CENPE: variants seen among roughly 807,000 people sequenced by gnomAD.
CENPE encodes the protein centromere protein E.
A neutral mutation model predicts 336.1 loss-of-function variants in CENPE; 145 were observed. The ratio of observed to expected loss-of-function variants is 0.43; its 90% CI spans 0.38 to 0.50. The LOEUF (loss-of-function observed/expected upper bound fraction) is 0.50, where lower values mean the gene tolerates loss of function less well. Among genes scored for constraint, CENPE ranks in the 20% least tolerant of loss-of-function variants. The pLI is 0.00. For missense variants in CENPE, 2,719 were observed against 3,023.3 expected (o/e 0.90, Z 2.36); for synonymous variants, 1,013 against 984.8 (o/e 1.03, Z -0.54).
chr4:103,156,707 A>T (rs1050476416), intron 24 of CENPE, among the ~76,000 whole-genome samples: 2 of 152,122 alleles, frequency 1.3e-5, no homozygotes, highest in African/African-American at 4.8e-5. Context: ...AACACAGGCA[A>T]CAAGAGTAAA....
At position 103,153,203 on chromosome 4, in the gene CENPE, T is replaced by A. The variant is rs755920648; in HGVS notation, c.3081A>T (p.Gln1027His). ...TATCCTTAACATCTGCAGTTAGTGT[T>A]TGGGTATTTTTAGCTTCCAAATCCT... ...KKQDLEAKNT[Q>H]TLTADVKDNE... is the part of the protein sequence containing the mutation. The change falls in exon 25 of 49, where the codon CAA (glutamine) becomes CAT (histidine). Residue 1027 changes from glutamine (Q) to histidine (H), a missense_variant. By Grantham distance (24) the Gln-to-His change is conservative (BLOSUM62 0). Coordinates refer to ENST00000265148, the MANE Select transcript of CENPE (RefSeq NM_001813.3). The A allele has an allele frequency of 6.2e-7, 1 of 1,612,934 alleles. No individual in the cohort carries two copies. The highest frequency in any genetic ancestry group is 1.1e-5 in the South Asian group (1 of 90,952).
At chr4:103,129,555 G>A (rs1436680803) in intron 42 of CENPE, among the ~76,000 whole-genome samples, 1 of 151,968 alleles carries the variant, frequency 6.6e-6, no homozygotes, top group Non-Finnish European at 1.5e-5. Flanking sequence ...TGACCAACAT[G>A]GTGAAACCCG....
chr4:103,164,315 T>A (rs1754726916), intron 16 of CENPE, among the ~76,000 whole-genome samples: 1 of 152,126 alleles, frequency 6.6e-6, no homozygotes, highest in African/African-American at 2.4e-5. Flanking sequence ...ACATTTTCCC[T>A]TAGAATTATT....
rs1375941863 is a variant in CENPE at position 103,158,678 on chromosome 4, A to C, written c.2810T>G (p.Leu937Arg). The C allele has an allele frequency of 6.2e-7, 1 of 1,611,688 alleles. No homozygotes were observed. Among genetic ancestry groups the C allele is most frequent in the Admixed American group, 1.7e-5 (1 of 59,614 alleles). ...LTQEKDDLKQ[L>R]QESLQIERDQ... ...CCTCTCAATTTGCAAGCTTTCTTGGAGTTGTTTTAGATCATCTTTTTCTTG... is the reference window on the plus strand; with the variant it reads ...CCTCTCAATTTGCAAGCTTTCTTGGCGTTGTTTTAGATCATCTTTTTCTTG... The change falls in exon 23 of 49, where the codon CTC (leucine) becomes CGC (arginine). Residue 937 changes from leucine (L) to arginine (R), a missense_variant. By Grantham distance (102) the Leu-to-Arg change is moderately radical. This residue lies in a region of CENPE where 2,437 missense variants were observed against 2,513.3 expected (regional missense o/e 0.97). Transcript: ENST00000265148.
At chr4:103,122,540 G>A (rs1219045923) in intron 43 of CENPE, among the ~76,000 whole-genome samples, 7 of 152,074 alleles carry the variant, frequency 4.6e-5, no homozygotes, top group African/African-American at 9.7e-5. Flanking sequence ...TTCTGCATAC[G>A]GACATAGATC....
chr4:103,194,764 T>C lies in CENPE; in HGVS notation c.478-80A>G, dbSNP rs1304106032. On this transcript the variant is annotated intron_variant, in intron 5 of 48. Coordinates refer to ENST00000265148, the MANE Select transcript of CENPE (RefSeq NM_001813.3). ...TTTCAAAAGAAGGTGCAAACTATTA[T>C]AGAATTCATTTGTGAAAGTTAAAAG... 6.8e-6 allele frequency: 7 copies of C among 1,029,014 alleles called. No individual in the cohort carries two copies. The Admixed American group carries it at 1.4e-4, about 20-fold the overall frequency. The allele number at this position is 1,029,014 out of a possible 1,614,324, so 63.7% of individuals were successfully genotyped here.
Position 103,159,201 on chromosome 4 carries a change from C to T in CENPE, c.2410G>A (p.Asp804Asn). Reference protein sequence around the residue: ...LLEEIGKTKDDLATTQSNYKS... With the variant: ...LLEEIGKTKDNLATTQSNYKS... ...TAATTCGACTGTGTAGTTGCTAGGT[C>T]ATCTTTTGTTTTCCCAATTTCTTCA... Residue 804 changes from aspartate (D) to asparagine (N), a missense_variant, in exon 22 of 49, where the codon GAC (aspartate) becomes AAC (asparagine). By Grantham distance (23) the Asp-to-Asn change is conservative (BLOSUM62 1). Around this residue, in one of 5 missense-constraint regions of CENPE, gnomAD observed 2,437 missense variants for 2,513.3 expected, o/e 0.97. Transcript: ENST00000265148. 1 of 1,612,674 alleles carries T rather than the reference C, an allele frequency of 6.2e-7. No homozygotes were observed. Among genetic ancestry groups the T allele is most frequent in the Non-Finnish European group, 8.5e-7 (1 of 1,179,130 alleles).
rs757234402 is a variant in CENPE at position 103,144,446 on chromosome 4, T to A, written c.5030A>T (p.Asn1677Ile). 2.5e-6 allele frequency: 4 copies of A among 1,613,962 alleles called. No homozygotes were observed. The Admixed American group carries it at 5.0e-5, about 20-fold the overall frequency. ...TGTTACAGATCTCATTTCTTCAAGG[T>A]TTTCATGTAGTATCTGAGTCAACCT... is the stretch of plus-strand genomic sequence containing the variant. ...NIRLTQILHE[N>I]LEEMRSVTKE... is the part of the protein sequence containing the mutation. The change falls in exon 33 of 49, where the codon AAC (asparagine) becomes ATC (isoleucine). Residue 1677 changes from asparagine to isoleucine, a missense_variant. This residue lies in a region of CENPE where 2,437 missense variants were observed against 2,513.3 expected (regional missense o/e 0.97). Coordinates refer to ENST00000265148, the MANE Select transcript of CENPE (RefSeq NM_001813.3).
At position 103,140,050 on chromosome 4, in the gene CENPE, T is replaced by C. The variant is rs189529939; in HGVS notation, c.5943A>G (p.Gln1981=). The C allele has an allele frequency of 2.3e-5, 37 of 1,604,438 alleles. No homozygotes were observed. The Admixed American group carries it at 4.8e-4, about 21-fold the overall frequency. ...KIQELQKKEL[Q]LLRVKEDVNM... is the part of the protein sequence containing the mutation. ...TGACATCTTCTTTCACTCTAAGCAG[T>C]TGAAGTTCTTTTTTCTGAAGTTCTT... is the stretch of plus-strand genomic sequence containing the variant. The change falls in exon 38 of 49, where the codon CAA becomes CAG. Residue 1981 remains glutamine, a synonymous_variant. Transcript: ENST00000265148.
intron 16 of CENPE, among the ~76,000 whole-genome samples, chr4:103,169,196 A>G (rs1221141797): frequency 6.6e-6 from 1 of 152,112 alleles, no homozygotes; most frequent in African/African-American, 2.4e-5. Flanking sequence ...TGGATCATGC[A>G]GAAGAATTTG....
intron 21 of CENPE, 28 bp from the exon 22 acceptor site, chr4:103,159,352 T>A (rs1754236582): frequency 2.4e-6 from 3 of 1,265,228 alleles, no homozygotes; most frequent in Middle Eastern, 2.7e-4. Flanking sequence ...AATTTAGGGA[T>A]GTTAGCAACA....
chr4:103,183,338 T>C (rs779640816), intron 9 of CENPE, 50 bp from the exon 10 acceptor site: 1 of 1,430,748 alleles, frequency 7.0e-7, no homozygotes, highest in South Asian at 1.2e-5. Context: ...CTTTTCTAGA[T>C]GATAAACTTA....
chr4:103,190,183 G>A (rs1408253230), intron 8 of CENPE, among the ~76,000 whole-genome samples: 2 of 152,104 alleles, frequency 1.3e-5, no homozygotes, highest in Non-Finnish European at 2.9e-5. Context: ...CTCATGGGTA[G>A]GAAGAATCAA....
chr4:103,141,567 C>T (rs1015436966), intron 35 of CENPE, among the ~76,000 whole-genome samples, 183 bp downstream of exon 35: 8 of 152,082 alleles, frequency 5.3e-5, no homozygotes, highest in Admixed American at 1.3e-4. Context: ...GAAGTATGTA[C>T]GTACTCTTTT....
intron 46 of CENPE, among the ~76,000 whole-genome samples, chr4:103,111,236 A>G (rs1749389533): frequency 6.6e-6 from 1 of 152,072 alleles, no homozygotes; most frequent in African/African-American, 2.4e-5. Flanking sequence ...AATTCCACTA[A>G]CATATCCTGA....
intron 40 of CENPE, among the ~76,000 whole-genome samples, chr4:103,135,884 G>A (rs1170036431): frequency 6.6e-6 from 1 of 152,124 alleles, no homozygotes; most frequent in Non-Finnish European, 1.5e-5. Flanking sequence ...TTATATGTCT[G>A]TCTCACCCCA....
At chr4:103,106,464 G>A in intron 48 of CENPE, 148 bp from the exon 49 acceptor site, 1 of 493,264 alleles carries the variant, frequency 2.0e-6, no homozygotes. Context: ...CATGAAGATG[G>A]TGTATTTCAC....
At chr4:103,106,421 T>C in intron 48 of CENPE, 105 bp from the exon 49 acceptor site, 1 of 738,088 alleles carries the variant, frequency 1.4e-6, no homozygotes, top group Non-Finnish European at 2.1e-6. Context: ...ATGTGAAGAA[T>C]GAAAAATGGC....
intron 42 of CENPE, among the ~76,000 whole-genome samples, chr4:103,126,413 G>C (rs1240348404): frequency 6.6e-6 from 1 of 151,982 alleles, no homozygotes; most frequent in Non-Finnish European, 1.5e-5. Context: ...CCTTCCATGT[G>C]AAGGCAGGGA....
Sources: gnomAD v4.1 joint callset for allele counts (sites outside exome capture counted in the v4.1 genomes callset) on GRCh38, gnomAD v4.1.1 for gene constraint, gnomAD v4.1.1 regional missense constraint, MANE v1.5 for transcripts, NCBI Gene and HGNC (gene_info 2026-07-23, HGNC 2026-07-21) for gene names.